The following GRM1 variants were observed in gnomAD, a reference collection of about 807,000 sequenced individuals.
GRM1 encodes the protein metabotropic glutamate receptor 1.
A neutral mutation model predicts 90.9 loss-of-function variants in GRM1; 33 were observed. That is an observed-to-expected ratio of 0.36 (90% CI 0.28 to 0.49). The LOEUF (loss-of-function observed/expected upper bound fraction) is 0.49, where lower values mean the gene tolerates loss of function less well. GRM1 is among the 20% of genes least tolerant of loss of function. The pLI, the probability that GRM1 is intolerant of heterozygous loss-of-function variation, is 0.99. For synonymous variants in GRM1, 700 were observed against 613.2 expected, an observed-to-expected ratio of 1.14 and a Z score of -2.09; for missense variants, 1,190 against 1,534.3, an observed-to-expected ratio of 0.78 and a Z score of 3.75.
At chr6:146,108,084 G>A (rs1775392596) in intron 1 of GRM1, among the ~76,000 whole-genome samples, 1 of 152,168 alleles carries the variant, frequency 6.6e-6, no homozygotes, top group Admixed American at 6.5e-5. Flanking sequence ...CACATTGACA[G>A]TGTGAAATAG....
At chr6:146,181,041 A>T (rs1388427091) in intron 2 of GRM1, among the ~76,000 whole-genome samples, 7 of 152,162 alleles carry the variant, frequency 4.6e-5, no homozygotes, top group Non-Finnish European at 8.8e-5. Flanking sequence ...GCTGAGGAGA[A>T]TTTGTGCCAA....
At chr6:146,280,743 C>A (rs989585895) in intron 2 of GRM1, among the ~76,000 whole-genome samples, 5 of 152,096 alleles carry the variant, frequency 3.3e-5, no homozygotes, top group African/African-American at 1.2e-4. Flanking sequence ...CTCAGCCTCC[C>A]TAGTAGCTGG....
At chr6:146,349,118 A>G (rs974534551) in intron 3 of GRM1, among the ~76,000 whole-genome samples, 7 of 149,828 alleles carry the variant, frequency 4.7e-5, no homozygotes, top group African/African-American at 1.7e-4. Flanking sequence ...CCAGGCTGGA[A>G]TGCAGTGGCG....
chr6:146,089,279 C>G (rs761927859), intron 1 of GRM1, among the ~76,000 whole-genome samples: 17 of 152,110 alleles, frequency 1.1e-4, no homozygotes, highest in Non-Finnish European at 2.1e-4. Context: ...AGAGCTCACT[C>G]AGTCCTTCAG....
chr6:146,133,435 A>C (rs1339861605), intron 1 of GRM1, among the ~76,000 whole-genome samples: 1 of 152,188 alleles, frequency 6.6e-6, no homozygotes, highest in African/African-American at 2.4e-5. Flanking sequence ...ACAGGGGAAA[A>C]GATATGGCAT....
At chr6:146,269,526 GT>G (rs1173484329) in intron 2 of GRM1, among the ~76,000 whole-genome samples, 1 of 152,168 alleles carries the variant, frequency 6.6e-6, no homozygotes, top group Non-Finnish European at 1.5e-5. Context: ...TATAGCAGGG[GT>G]CCCCAACCTC....
intron 2 of GRM1, among the ~76,000 whole-genome samples, chr6:146,199,378 C>T (rs1249641411): frequency 6.6e-6 from 1 of 152,150 alleles, no homozygotes; most frequent in East Asian, 1.9e-4. Context: ...TCCCCTGTCC[C>T]CCAGTGTTCT....
intron 2 of GRM1, among the ~76,000 whole-genome samples, chr6:146,203,203 A>G (rs1213288673): frequency 9.0e-5 from 13 of 144,870 alleles, no homozygotes; most frequent in Non-Finnish European, 1.5e-5. Flanking sequence ...AAATAAATAA[A>G]TAAATAAATA....
chr6:146,153,135 T>C (rs1777400973), intron 1 of GRM1, among the ~76,000 whole-genome samples: 3 of 152,220 alleles, frequency 2.0e-5, no homozygotes. Context: ...ATGGAGAATC[T>C]GCTTATATTT....
At chr6:146,309,915 A>G (rs1159260178) in intron 3 of GRM1, among the ~76,000 whole-genome samples, 4 of 152,236 alleles carry the variant, frequency 2.6e-5, no homozygotes, top group South Asian at 2.1e-4. Context: ...TATTAACTGT[A>G]TGAGTTCATG....
chr6:146,293,081 G>A (rs1266954517), intron 2 of GRM1, among the ~76,000 whole-genome samples: 1 of 151,974 alleles, frequency 6.6e-6, no homozygotes, highest in African/African-American at 2.4e-5. Flanking sequence ...AATCTATAGA[G>A]ATAAAAAAGT....
intron 1 of GRM1, among the ~76,000 whole-genome samples, chr6:146,042,625 T>A (rs1257957614): frequency 6.6e-6 from 1 of 151,994 alleles, no homozygotes; most frequent in African/African-American, 2.4e-5. Flanking sequence ...AATTATTCAA[T>A]GAGGGAAATG....
At chr6:146,333,136 C>G in intron 3 of GRM1, among the ~76,000 whole-genome samples, 1 of 152,174 alleles carries the variant, frequency 6.6e-6, no homozygotes, top group East Asian at 1.9e-4. Flanking sequence ...TATTTGACCA[C>G]ATTTCCTGGT....
intron 1 of GRM1, among the ~76,000 whole-genome samples, chr6:146,123,971 TA>T (rs1187389617): frequency 1.3e-5 from 2 of 152,226 alleles, no homozygotes; most frequent in East Asian, 1.9e-4. Context: ...GTTTTAGTAA[TA>T]AAACTTGATT....
intron 1 of GRM1, among the ~76,000 whole-genome samples, chr6:146,070,592 G>A (rs1775989103): frequency 1.3e-5 from 2 of 152,074 alleles, no homozygotes; most frequent in African/African-American, 2.4e-5. Flanking sequence ...GGTTTATAGA[G>A]CAGCAAATTT....
intron 3 of GRM1, among the ~76,000 whole-genome samples, chr6:146,333,736 G>A (rs1784664909): frequency 6.6e-6 from 1 of 152,032 alleles, no homozygotes; most frequent in African/African-American, 2.4e-5. Flanking sequence ...TAGAATCCAA[G>A]TGGGCACTGT....
At chr6:146,327,873 A>G (rs906895355) in intron 3 of GRM1, among the ~76,000 whole-genome samples, 4 of 152,076 alleles carry the variant, frequency 2.6e-5, no homozygotes, top group Non-Finnish European at 4.4e-5. Flanking sequence ...AAACCTAGCT[A>G]TTTGAAGAGA....
chr6:146,035,037 T>C (rs1790839457), intron 1 of GRM1, among the ~76,000 whole-genome samples: 1 of 151,920 alleles, frequency 6.6e-6, no homozygotes, highest in African/African-American at 2.4e-5. Flanking sequence ...AATGTATTAG[T>C]GGTGCAATTA....
chr6:146,321,685 T>C (rs749057771), intron 3 of GRM1, among the ~76,000 whole-genome samples: 5 of 152,112 alleles, frequency 3.3e-5, no homozygotes, highest in Non-Finnish European at 7.4e-5. Context: ...AGTTAGCTAT[T>C]CTTGTTGCAT....
Sources: gnomAD v4.1 joint callset for allele counts (sites outside exome capture counted in the v4.1 genomes callset) on GRCh38, gnomAD v4.1.1 for gene constraint, MANE v1.5 for transcripts, NCBI Gene and HGNC (gene_info 2026-07-23, HGNC 2026-07-21) for gene names.